The following FOXO3 variants were observed in gnomAD, a reference collection of about 807,000 sequenced individuals.
FOXO3 encodes forkhead box O3.
A neutral mutation model predicts 41.9 loss-of-function variants in FOXO3; 4 were observed. The observed-to-expected ratio is 0.10, with a 90% CI of 0.05 to 0.22. The LOEUF (loss-of-function observed/expected upper bound fraction) is 0.22, where lower values mean the gene tolerates loss of function less well. Ranked by LOEUF, FOXO3 falls within the 10% of genes least tolerant of loss-of-function variation. FOXO3 has a pLI of 1.00. For missense variants in FOXO3, 534 were observed against 906.8 expected (o/e 0.59, Z 5.28); for synonymous variants, 318 against 389.3 (o/e 0.82, Z 2.16).
At chr6:108,679,128 T>C (rs9320266) in intron 2 of FOXO3, among the ~76,000 whole-genome samples, 151,763 of 151,968 alleles carry the variant, frequency 1, 75,779 homozygotes, top group East Asian at 1. Context: ...TCCTCAGCCT[T>C]CGAAAGTGCT....
chr6:108,641,969 G>T (rs1018185415), intron 1 of FOXO3, among the ~76,000 whole-genome samples: 6 of 152,118 alleles, frequency 3.9e-5, no homozygotes, highest in Admixed American at 2.6e-4. Flanking sequence ...GTTGTGCATA[G>T]AATTTAGAAG....
At chr6:108,561,929 C>G (rs895908425) in intron 1 of FOXO3, 100 bp downstream of exon 1, 7 of 1,446,186 alleles carry the variant, frequency 4.8e-6, no homozygotes, top group African/African-American at 3.0e-5. Flanking sequence ...GGCTCCAGGG[C>G]AAGGGGTTGG....
intron 2 of FOXO3, among the ~76,000 whole-genome samples, chr6:108,665,806 C>T (rs1779037027): frequency 9.8e-6 from 1 of 101,796 alleles, no homozygotes; most frequent in Admixed American, 1.3e-4. Context: ...AAGAACCTAT[C>T]TCTTAGAAAA....
rs868044999 is a variant in FOXO3, at chr6:108,664,616, A to G, written c.1783A>G (p.Thr595Ala). 8.1e-6 allele frequency: 8 copies of G among 989,656 alleles called. No homozygotes were observed. Among genetic ancestry groups the G allele is most frequent in the Middle Eastern group, 2.3e-4 (1 of 4,430 alleles). 61.3% of individuals were successfully genotyped at this position (989,656 alleles called of 1,614,324 possible). Residue 595 changes from threonine (T) to alanine (A), a missense_variant, in exon 2 of 3, where the codon ACT becomes GCT. Transcript: ENST00000406360. ...DSLSGSSLYS[T>A]SANLPVMGHE... ...TCTCTCAGGCTCCTCCTTGTACTCA[A>G]CTAGTGCAAACCTGCCCGTCATGGG...
chr6:108,568,155 G>A (rs989592867), intron 1 of FOXO3, among the ~76,000 whole-genome samples: 4 of 151,756 alleles, frequency 2.6e-5, no homozygotes, highest in Non-Finnish European at 5.9e-5. Flanking sequence ...TGAGACTGCA[G>A]TGAGCACGAC....
intron 2 of FOXO3, among the ~76,000 whole-genome samples, chr6:108,666,296 C>G (rs1260606796): frequency 1.3e-5 from 2 of 151,996 alleles, no homozygotes; most frequent in Admixed American, 1.3e-4. Flanking sequence ...AGTAGTTTGC[C>G]CAAGGTTACA....
chr6:108,596,861 A>G (rs571404434), intron 1 of FOXO3, among the ~76,000 whole-genome samples: 1 of 152,358 alleles, frequency 6.6e-6, no homozygotes, highest in South Asian at 2.1e-4. Flanking sequence ...TCATATCCCA[A>G]ACAGTTGCAG....
At chr6:108,661,941 C>A (rs1003876238) in intron 1 of FOXO3, among the ~76,000 whole-genome samples, 16 of 152,140 alleles carry the variant, frequency 1.1e-4, no homozygotes, top group African/African-American at 3.9e-4. Context: ...TATCAAGTTT[C>A]CCCTGTGGTT....
chr6:108,663,087 G>A (rs549754484), intron 1 of FOXO3, among the ~76,000 whole-genome samples: 7 of 152,240 alleles, frequency 4.6e-5, no homozygotes, highest in African/African-American at 1.7e-4. Context: ...AAAAAATGAG[G>A]AGTTGGCCAG....
chr6:108,589,517 A>G (rs573389653), intron 1 of FOXO3, among the ~76,000 whole-genome samples: 2 of 152,334 alleles, frequency 1.3e-5, no homozygotes, highest in African/African-American at 4.8e-5. Flanking sequence ...CGTTTAAGGC[A>G]GGCTTTTGTT....
rs549408741 is a variant in FOXO3, at chr6:108,614,518, C to T, written c.622-48937C>T. On this transcript the variant is annotated intron_variant, in intron 1 of 2. Coordinates refer to ENST00000406360, the MANE Select transcript of FOXO3 (RefSeq NM_001455.4). ...GTTGTTGAAATCTGTTCATTAATAA[C>T]TGTTAATAATATAGTTACTCCAGCT... 6.4e-4 allele frequency among the ~76,000 whole-genome samples: 97 copies of T among 152,150 alleles called. 2 individuals are homozygous for T. In the South Asian group the frequency reaches 0.019, roughly 30 times the overall value.
chr6:108,571,012 G>C (rs945774749), intron 1 of FOXO3, among the ~76,000 whole-genome samples: 2 of 152,110 alleles, frequency 1.3e-5, no homozygotes, highest in African/African-American at 4.8e-5. Context: ...TTGCTACTCA[G>C]TTCCTGATAC....
At chr6:108,660,552 C>T (rs146844801) in intron 1 of FOXO3, among the ~76,000 whole-genome samples, 1 of 152,322 alleles carries the variant, frequency 6.6e-6, no homozygotes, top group African/African-American at 2.4e-5. Flanking sequence ...ATGGTAAAAT[C>T]CTGCTGACAT....
intron 1 of FOXO3, among the ~76,000 whole-genome samples, chr6:108,606,309 C>T (rs1777199297): frequency 6.6e-6 from 1 of 152,104 alleles, no homozygotes; most frequent in Non-Finnish European, 1.5e-5. Context: ...GTATATCAGC[C>T]CCTTTGTTCA....
intron 2 of FOXO3, among the ~76,000 whole-genome samples, chr6:108,675,956 T>C (rs1022992358): frequency 6.6e-6 from 1 of 152,226 alleles, no homozygotes; most frequent in African/African-American, 2.4e-5. Flanking sequence ...TTTGTGTAGT[T>C]TTTGGAGGCA....
chr6:108,598,238 A>T (rs1032437357), intron 1 of FOXO3, among the ~76,000 whole-genome samples: 4 of 151,958 alleles, frequency 2.6e-5, no homozygotes, highest in Admixed American at 6.6e-5. Flanking sequence ...GGGAGGGGAA[A>T]ATCCCTGTGC....
rs760685861 is a variant in FOXO3, at chr6:108,663,865, G to T, written c.1032G>T (p.Ser344=). The change falls in exon 2 of 3, where the codon TCG becomes TCT. Residue 344 remains serine, a synonymous_variant. Coordinates refer to ENST00000406360, the MANE Select transcript of FOXO3 (RefSeq NM_001455.4). ...TCCAGGACGATGATGCGCCTCTCTC[G>T]CCCATGCTCTACAGCAGCTCAGCCA... ...DEVQDDDAPL[S]PMLYSSSASL... is the part of the protein sequence containing the mutation. The T allele has an allele frequency of 6.2e-6, 10 of 1,613,884 alleles. No homozygotes were observed. The Admixed American group carries it at 1.7e-4, about 27-fold the overall frequency.
At chr6:108,581,759 G>A (rs963021478) in intron 1 of FOXO3, among the ~76,000 whole-genome samples, 5 of 152,174 alleles carry the variant, frequency 3.3e-5, no homozygotes, top group African/African-American at 1.2e-4. Context: ...GAGGCATTCT[G>A]TCTGTGAACT....
At chr6:108,588,992 T>C (rs960619613) in intron 1 of FOXO3, among the ~76,000 whole-genome samples, 2 of 152,218 alleles carry the variant, frequency 1.3e-5, no homozygotes, top group Non-Finnish European at 2.9e-5. Context: ...TTCTGCAGTA[T>C]AGCATTTAAA....
Sources: allele counts gnomAD v4.1 joint callset (sites outside exome capture counted in the v4.1 genomes callset), GRCh38; gene constraint gnomAD v4.1.1; transcripts MANE v1.5; gene names NCBI Gene and HGNC (gene_info 2026-07-23, HGNC 2026-07-21).